Variants in PPEF1 observed in about 807,000 individuals in gnomAD.
PPEF1 encodes serine/threonine-protein phosphatase with EF-hands 1.
PPEF1 carries 12 observed loss-of-function variants against 53.3 expected under a neutral mutation model. The observed-to-expected ratio is 0.23, with a 90% CI of 0.14 to 0.36. PPEF1 has a LOEUF of 0.36. Among genes scored for constraint, PPEF1 ranks in the 10% least tolerant of loss-of-function variants. The probability of loss-of-function intolerance (pLI) is 1.00; values close to 1 mark genes in which losing one functional copy is unlikely to be tolerated. For missense variants in PPEF1, 334 were observed against 490.4 expected (o/e 0.68, Z 3.01); for synonymous variants, 165 against 176.7 (o/e 0.93, Z 0.52).
chrX:18,721,984 T>C (rs2044598695), intron 1 of PPEF1, among the ~76,000 whole-genome samples: 1 of 112,092 alleles, frequency 8.9e-6, no homozygotes, highest in Admixed American at 9.5e-5. Context: ...TGCCAGAGTT[T>C]GTGGCTGAGC....
chrX:18,825,605 C>T, intron 14 of PPEF1, 146 bp from the exon 15 acceptor site: 1 of 370,340 alleles, frequency 2.7e-6, no homozygotes, highest in Non-Finnish European at 4.6e-6. Context: ...AGGGTGGGGC[C>T]TCCAAGGGAA....
chrX:18,754,774 A>C (rs760120176), intron 4 of PPEF1, among the ~76,000 whole-genome samples: 1 of 111,174 alleles, frequency 9.0e-6, no homozygotes, highest in Non-Finnish European at 1.9e-5. Context: ...ATTTTTTATT[A>C]GCTTTTGGTA....
chrX:18,777,590 G>A (rs1248538387), intron 6 of PPEF1, among the ~76,000 whole-genome samples: 3 of 109,374 alleles, frequency 2.7e-5, no homozygotes, highest in Admixed American at 9.8e-5. Flanking sequence ...TGCGATCTCC[G>A]CTCACTGCCA....
intron 3 of PPEF1, among the ~76,000 whole-genome samples, chrX:18,745,843 A>G (rs1373210041): frequency 8.9e-6 from 1 of 112,491 alleles, no homozygotes; most frequent in Non-Finnish European, 1.9e-5. Flanking sequence ...TATTATATGG[A>G]CACCAATGGT....
At chrX:18,695,844 C>T (rs1196706488) in intron 4 of PPEF1, among the ~76,000 whole-genome samples, 2 of 112,269 alleles carry the variant, frequency 1.8e-5, no homozygotes, top group Non-Finnish European at 3.8e-5. Context: ...CACCTTAAAA[C>T]GTGATGGCTG....
chrX:18,801,707 G>A (rs1332291974), intron 10 of PPEF1, among the ~76,000 whole-genome samples: 2 of 111,488 alleles, frequency 1.8e-5, no homozygotes, highest in African/African-American at 6.5e-5. Flanking sequence ...TACAGGCCGG[G>A]TGCAGTGGCT....
At chrX:18,791,937 G>T (rs1443220474) in intron 10 of PPEF1, among the ~76,000 whole-genome samples, 1 of 112,199 alleles carries the variant, frequency 8.9e-6, no homozygotes, top group African/African-American at 3.2e-5. Context: ...ACATTGAAAT[G>T]ATGTGTTCTT....
intron 3 of PPEF1, among the ~76,000 whole-genome samples, chrX:18,749,411 T>C (rs1400621217): frequency 8.9e-6 from 1 of 112,421 alleles, no homozygotes; most frequent in Non-Finnish European, 1.9e-5. Flanking sequence ...CCAAATATAA[T>C]GTATTGTTCT....
chrX:18,779,256 T>C, intron 7 of PPEF1, 80 bp downstream of exon 7: 1 of 927,524 alleles, frequency 1.1e-6, no homozygotes, highest in Non-Finnish European at 1.5e-6. Flanking sequence ...CTAATAGAGA[T>C]AGAAGTGAGT....
At chrX:18,809,704 C>CAA (rs61305573) in intron 12 of PPEF1, among the ~76,000 whole-genome samples, 4,276 of 86,389 alleles carry the variant, frequency 0.049, 279 homozygotes, top group African/African-American at 0.17. Flanking sequence ...GACCCTGTCT[C>CAA]AAAAAAAAAA....
chrX:18,687,712 A>G (rs747673814), intron 3 of PPEF1, among the ~76,000 whole-genome samples: 169 of 93,065 alleles, frequency 1.8e-3, no homozygotes, highest in Non-Finnish European at 3.1e-3. Context: ...TTTTTGAGAC[A>G]GAGTCTCACT....
chrX:18,755,061 T>C (rs2045518196), intron 4 of PPEF1, among the ~76,000 whole-genome samples: 1 of 111,475 alleles, frequency 9.0e-6, no homozygotes, highest in Non-Finnish European at 1.9e-5. Context: ...ATAAATATGC[T>C]TAATATAAGT....
rs947395470 is a variant in PPEF1, at chrX:18,756,473, C to A, written c.397-1154C>A. 1.1e-4 allele frequency among the ~76,000 whole-genome samples: 12 copies of A among 111,810 alleles called. 1 individual carries two copies. Among genetic ancestry groups the A allele is most frequent in the Admixed American group, 9.5e-4 (10 of 10,483 alleles). The stretch of plus-strand genomic sequence containing the variant: ...AGGATTACAGGTGTGAGCCACTGTG[C>A]CCGGCCCTAAAACTACTTTTTTAAA... On this transcript the variant is annotated intron_variant, in intron 4 of 15. Coordinates refer to ENST00000470157, the MANE Select transcript of PPEF1 (RefSeq NM_001377996.1).
chrX:18,697,385 A>G (rs1488113787), intron 4 of PPEF1, among the ~76,000 whole-genome samples: 1 of 111,059 alleles, frequency 9.0e-6, no homozygotes, highest in Non-Finnish European at 1.9e-5. Context: ...AAAGAAGTTC[A>G]TTTTGATTTC....
At chrX:18,682,578 C>T (rs887549695), upstream of PPEF1, among the ~76,000 whole-genome samples, 1 of 111,305 alleles carries the variant, frequency 9.0e-6, no homozygotes, top group Non-Finnish European at 1.9e-5. Context: ...ACTTACGCCC[C>T]GGCCCCAGTC....
chrX:18,733,549 G>A (rs753161462), intron 2 of PPEF1, among the ~76,000 whole-genome samples, 199 bp from the exon 3 acceptor site: 56 of 111,715 alleles, frequency 5.0e-4, no homozygotes, highest in African/African-American at 1.7e-3. Context: ...CACAGGAGGG[G>A]CGTTCATGTG....
At chrX:18,754,563 G>A (rs1429266903) in intron 4 of PPEF1, among the ~76,000 whole-genome samples, 1 of 100,248 alleles carries the variant, frequency 1.0e-5, no homozygotes, top group Non-Finnish European at 2.1e-5. Flanking sequence ...TTCTCTGGAA[G>A]ACAATAGGCC....
chrX:18,804,228 G>T, intron 11 of PPEF1, 151 bp downstream of exon 11: 1 of 463,028 alleles, frequency 2.2e-6, no homozygotes, highest in Non-Finnish European at 3.5e-6. Flanking sequence ...CATCTAGGTT[G>T]TTTGAAGGGG....
chrX:18,778,249 G>A (rs1283432016), intron 6 of PPEF1, among the ~76,000 whole-genome samples: 2 of 111,520 alleles, frequency 1.8e-5, no homozygotes, highest in East Asian at 5.6e-4. Context: ...GAGTTTTATA[G>A]TATAGTACTA....
Sources: allele counts gnomAD v4.1 joint callset (sites outside exome capture counted in the v4.1 genomes callset), GRCh38; gene constraint gnomAD v4.1.1; transcripts MANE v1.5; gene names NCBI Gene and HGNC (gene_info 2026-07-23, HGNC 2026-07-21).